Variants in LAD1 observed in about 807,000 individuals in gnomAD.
The protein encoded by LAD1 is ladinin-1.
LAD1 carries 53 observed loss-of-function variants against 54.2 expected under a neutral mutation model. The ratio of observed to expected loss-of-function variants is 0.98; its 90% CI spans 0.78 to 1.23. The LOEUF (loss-of-function observed/expected upper bound fraction) is 1.23. Ranked by LOEUF, LAD1 falls within the 50% of genes most tolerant of loss-of-function variation. The pLI, the probability that LAD1 is intolerant of heterozygous loss-of-function variation, is 0.00. For missense variants in LAD1, 637 were observed against 653.3 expected (o/e 0.98, Z 0.27); for synonymous variants, 231 against 257.7 (o/e 0.90, Z 0.99).
Position 201,386,925 on chromosome 1 carries a change from GTCTCCGGCGAGGTGGGAT to G in LAD1, c.418_435del (p.Ile140_Arg145del), listed in dbSNP as rs749617526. On this transcript the variant is annotated inframe_deletion, in exon 3 of 10. Coordinates refer to ENST00000391967, the MANE Select transcript of LAD1 (RefSeq NM_005558.4). ...CAGGGGCCCCGCTGTTCCCGACTCA[GTCTCCGGCGAGGTGGGAT>G]TTCCAGTTCCTTCTTGGAGACTAGG... The G allele has an allele frequency of 1.9e-6, 3 of 1,613,202 alleles. No individual in the cohort carries two copies. In the East Asian group the frequency reaches 6.7e-5, roughly 36 times the overall value.
chr1:201,383,189 C>T lies in LAD1; in HGVS notation c.1271G>A (p.Arg424Gln), dbSNP rs372635622. 2.7e-5 allele frequency: 44 copies of T among 1,613,896 alleles called. No homozygotes were observed. The highest frequency in any genetic ancestry group is 3.5e-5 in the Non-Finnish European group (41 of 1,179,934). Reference sequence around the variant, plus strand: ...GAATAACTCAGTGCAAGGCAGACCCCGAGACTTGACAGATTCTGATCTCTG... The same window carrying T: ...GAATAACTCAGTGCAAGGCAGACCCTGAGACTTGACAGATTCTGATCTCTG... ...AIRRSESVKSRGLPCTELFVA... is the reference protein window; with the variant it reads ...AIRRSESVKSQGLPCTELFVA... The change falls in exon 7 of 10, where the codon CGG (arginine) becomes CAG (glutamine). Residue 424 changes from arginine (R) to glutamine (Q), a missense_variant. By Grantham distance (43) the Arg-to-Gln change is conservative. Transcript: ENST00000391967.
At chr1:201,387,434 C>G (rs1662114792) in intron 2 of LAD1, among the ~76,000 whole-genome samples, 1 of 152,196 alleles carries the variant, frequency 6.6e-6, no homozygotes, top group South Asian at 2.1e-4. Context: ...CAGACGTAGT[C>G]AACAGACTCT....
chr1:201,396,823 G>T (rs983395325), intron 1 of LAD1, among the ~76,000 whole-genome samples: 1 of 152,164 alleles, frequency 6.6e-6, no homozygotes, highest in Non-Finnish European at 1.5e-5. Context: ...AGCCCCAAAG[G>T]TCTAGGGAGA....
chr1:201,384,445 C>G (rs986140641), intron 5 of LAD1, among the ~76,000 whole-genome samples: 3 of 152,146 alleles, frequency 2.0e-5, no homozygotes, highest in Admixed American at 2.0e-4. Context: ...CCTGCTGGAG[C>G]AGGGGCTTCC....
intron 3 of LAD1, among the ~76,000 whole-genome samples, chr1:201,386,098 C>A (rs1662079132): frequency 6.6e-6 from 1 of 152,298 alleles, no homozygotes; most frequent in South Asian, 2.1e-4. Flanking sequence ...GTGGGGGGCA[C>A]CAGATGCTCC....
At position 201,381,747 on chromosome 1, in the gene LAD1, A is replaced by C; in HGVS notation, c.*141T>G. On this transcript the variant is annotated 3_prime_UTR_variant, in exon 10 of 10. Coordinates refer to ENST00000391967, the MANE Select transcript of LAD1 (RefSeq NM_005558.4). ...GAGTCTTGCAAATATTCCTGACCCCAGGGACCCTGGCCAAACAGATCCACA... is the reference window on the plus strand; with the variant it reads ...GAGTCTTGCAAATATTCCTGACCCCCGGGACCCTGGCCAAACAGATCCACA... 1 of 941,988 alleles carries C rather than the reference A, an allele frequency of 1.1e-6. No individual in the cohort carries two copies. The highest frequency in any genetic ancestry group is 1.7e-6 in the Non-Finnish European group (1 of 575,986). 58.4% of individuals were successfully genotyped at this position (941,988 alleles called of 1,614,324 possible). A position where few individuals can be genotyped will look rare whatever the true frequency, so the allele number is the denominator to read the frequency against.
chr1:201,382,775 C>T (rs774455010), intron 7 of LAD1, 36 bp from the exon 8 acceptor site: 9 of 1,511,390 alleles, frequency 6.0e-6, no homozygotes, highest in Admixed American at 5.7e-5. Flanking sequence ...GGTTTAGGGC[C>T]CTTGGCAGCA....
At chr1:201,394,996 G>C (rs1271920422) in intron 1 of LAD1, among the ~76,000 whole-genome samples, 2 of 152,186 alleles carry the variant, frequency 1.3e-5, no homozygotes, top group Non-Finnish European at 2.9e-5. Flanking sequence ...CTCAGAGCCT[G>C]GTCTCCTGGG....
intron 4 of LAD1, among the ~76,000 whole-genome samples, chr1:201,385,348 T>TCCTCC (rs1662052841): frequency 6.6e-6 from 1 of 152,182 alleles, no homozygotes; most frequent in Non-Finnish European, 1.5e-5. Flanking sequence ...TGCTCTCTGT[T>TCCTCC]CCTCCCCTCC....
intron 1 of LAD1, 48 bp from the exon 2 acceptor site, chr1:201,389,351 C>T (rs763613814): frequency 1.9e-6 from 3 of 1,581,204 alleles, no homozygotes; most frequent in Non-Finnish European, 2.6e-6. Flanking sequence ...AACCCAGGAC[C>T]CTCCCGAGGC....
chr1:201,383,221 A>G lies in LAD1; in HGVS notation c.1249-10T>C. 2 of 1,613,796 alleles carry G rather than the reference A, an allele frequency of 1.2e-6. No homozygotes were observed. Among genetic ancestry groups the G allele is most frequent in the Non-Finnish European group, 1.7e-6 (2 of 1,179,780 alleles). On this transcript the variant is annotated splice_polypyrimidine_tract_variant and intron_variant, in intron 6 of 9. Transcript: ENST00000391967. ...TGACAGATTCTGATCTCTGGGAACC[A>G]AGAACACCAACAGCTGACCCATGCT...
Position 201,386,745 on chromosome 1 carries a change from C to A in LAD1, c.616G>T (p.Val206Leu). ...VSDKTSISEK[V>L]LASEKTSLSE... The stretch of plus-strand genomic sequence containing the variant: ...AGAGATGTCTTCTCTGAGGCCAGCA[C>A]CTTCTCAGAGATGGAGGTTTTATCG... The change falls in exon 3 of 10, where the codon GTG becomes TTG. Residue 206 changes from valine (V) to leucine (L), a missense_variant. Coordinates refer to ENST00000391967, the MANE Select transcript of LAD1 (RefSeq NM_005558.4). 1 of 1,614,168 alleles carries A rather than the reference C, an allele frequency of 6.2e-7. No individual in the cohort carries two copies. Among genetic ancestry groups the A allele is most frequent in the Non-Finnish European group, 8.5e-7 (1 of 1,179,994 alleles).
intron 2 of LAD1, among the ~76,000 whole-genome samples, chr1:201,388,068 G>A (rs955684232): frequency 6.6e-6 from 1 of 152,074 alleles, no homozygotes; most frequent in South Asian, 2.1e-4. Flanking sequence ...AAATCTAGAT[G>A]GCAAAACTAG....
chr1:201,382,566 C>T, intron 8 of LAD1, 87 bp downstream of exon 8: 3 of 1,112,614 alleles, frequency 2.7e-6, no homozygotes, highest in Non-Finnish European at 3.9e-6. Flanking sequence ...CGAAATGACT[C>T]CTCCTCTCCC....
chr1:201,389,221 T>C lies in LAD1; in HGVS notation c.121A>G (p.Thr41Ala). 6.2e-7 allele frequency: 1 copy of C among 1,614,206 alleles called. No homozygotes were observed. The highest frequency in any genetic ancestry group is 1.1e-5 in the South Asian group (1 of 91,090). The change falls in exon 2 of 10, where the codon ACG (threonine) becomes GCG (alanine). Residue 41 changes from threonine to alanine, a missense_variant. Coordinates refer to ENST00000391967, the MANE Select transcript of LAD1 (RefSeq NM_005558.4). ...RRRHRNLSST[T>A]DDEAPRLSQN... The stretch of plus-strand genomic sequence containing the variant: ...CTGAGCCTGGGAGCCTCATCGTCCG[T>C]GGTGGAGCTCAGGTTGCGGTGCCGC...
chr1:201,382,383 G>A (rs985691435), intron 8 of LAD1, 57 bp from the exon 9 acceptor site: 70 of 1,377,000 alleles, frequency 5.1e-5, no homozygotes, highest in Admixed American at 2.7e-4. Flanking sequence ...CAAAGGGCTC[G>A]GGATACCCCA....
chr1:201,383,475 T>C, intron 5 of LAD1, 86 bp from the exon 6 acceptor site: 2 of 1,204,176 alleles, frequency 1.7e-6, no homozygotes, highest in Non-Finnish European at 1.2e-6. Context: ...AGCAGCCCCA[T>C]CACACGTTCT....
intron 1 of LAD1, among the ~76,000 whole-genome samples, chr1:201,396,360 A>G (rs1662290650): frequency 1.3e-5 from 2 of 152,074 alleles, no homozygotes; most frequent in South Asian, 4.2e-4. Flanking sequence ...TTTCTCTTAA[A>G]TAATTCTAAA....
rs761742011 is a variant in LAD1 at position 201,384,789 on chromosome 1, C to T, written c.1175+3G>A. ...AAAGAACCAGAGCCTCCAGGCCCCC[C>T]ACCTGCGAGTTAGGGTTGTTTCCGA... On this transcript the variant is annotated splice_donor_region_variant and intron_variant, in intron 5 of 9. Transcript: ENST00000391967. 13 of 1,613,914 alleles carry T rather than the reference C, an allele frequency of 8.1e-6. No homozygotes were observed. The highest frequency in any genetic ancestry group is 4.0e-5 in the African/African-American group (3 of 74,938).
Sources: allele counts gnomAD v4.1 joint callset (sites outside exome capture counted in the v4.1 genomes callset), GRCh38; gene constraint gnomAD v4.1.1; transcripts MANE v1.5; gene names NCBI Gene and HGNC (gene_info 2026-07-23, HGNC 2026-07-21).